Variants in GRID2 observed in about 807,000 individuals in gnomAD.
The protein encoded by GRID2 is glutamate receptor ionotropic, delta-2.
Under a neutral mutation model 114.8 loss-of-function variants are expected in GRID2, and 33 were observed. The ratio of observed to expected loss-of-function variants is 0.29; its 90% CI spans 0.22 to 0.38. GRID2 has a LOEUF of 0.38. Among genes scored for constraint, GRID2 ranks in the 10% least tolerant of loss-of-function variants. GRID2 has a pLI of 1.00. For synonymous variants in GRID2, 505 were observed against 449.9 expected (o/e 1.12, Z -1.55); for missense variants, 1,184 against 1,257.7 (o/e 0.94, Z 0.89).
chr4:92,353,709 C>T (rs981365479), intron 1 of GRID2, among the ~76,000 whole-genome samples: 6 of 151,918 alleles, frequency 3.9e-5, no homozygotes, highest in Non-Finnish European at 8.8e-5. Context: ...GTGTGTGGGG[C>T]CCCTCCTTCA....
At chr4:92,799,316 G>C (rs1321359326) in intron 2 of GRID2, among the ~76,000 whole-genome samples, 1 of 151,938 alleles carries the variant, frequency 6.6e-6, no homozygotes, top group African/African-American at 2.4e-5. Context: ...GATCTGATGG[G>C]AAGTGGAGCC....
intron 2 of GRID2, among the ~76,000 whole-genome samples, chr4:92,713,476 C>CATACATAT: frequency 1.9e-5 from 1 of 54,040 alleles, no homozygotes; most frequent in Non-Finnish European, 3.4e-5. Context: ...TATACATATA[C>CATACATAT]ATATATATAT....
At chr4:93,067,266 G>T (rs1480360893) in intron 2 of GRID2, among the ~76,000 whole-genome samples, 1 of 151,862 alleles carries the variant, frequency 6.6e-6, no homozygotes, top group Non-Finnish European at 1.5e-5. Context: ...TATCTCTTTT[G>T]CCAAGCACCC....
In GRID2 at chr4:92,947,279, G is replaced by T. The variant is rs76360836; in HGVS notation, c.245-137716G>T. Among the ~76,000 whole-genome samples the T allele has an allele frequency of 3.1e-3, 471 of 152,060 alleles. 4 individuals carry two copies. Among genetic ancestry groups the T allele is most frequent in the African/African-American group, 0.011 (450 of 41,532 alleles). On this transcript the variant is annotated intron_variant, in intron 2 of 15. Coordinates refer to ENST00000282020, the MANE Select transcript of GRID2 (RefSeq NM_001510.4). Reference sequence around the variant, plus strand: ...TCATCCTCTTTGTCAGCATGCGTGTGTATTGTCTACCTGTATGCCCAATAT... The same window carrying T: ...TCATCCTCTTTGTCAGCATGCGTGTTTATTGTCTACCTGTATGCCCAATAT...
chr4:92,930,828 T>A (rs1180247078), intron 2 of GRID2, among the ~76,000 whole-genome samples: 1 of 150,848 alleles, frequency 6.6e-6, no homozygotes, highest in Non-Finnish European at 1.5e-5. Flanking sequence ...CAAGAAAAAA[T>A]AAAATAATTG....
At chr4:93,178,311 C>G (rs929296114) in intron 4 of GRID2, among the ~76,000 whole-genome samples, 9 of 151,204 alleles carry the variant, frequency 6.0e-5, no homozygotes, top group African/African-American at 1.7e-4. Context: ...TTAACTAACA[C>G]TCTCTCACAC....
At chr4:93,727,484 G>A (rs1261908474) in intron 14 of GRID2, among the ~76,000 whole-genome samples, 1 of 152,186 alleles carries the variant, frequency 6.6e-6, no homozygotes, top group East Asian at 1.9e-4. Flanking sequence ...TTGGTATCAG[G>A]ATGATGCTGG....
chr4:92,409,248 A>C (rs1351677413), intron 1 of GRID2, among the ~76,000 whole-genome samples: 3 of 152,106 alleles, frequency 2.0e-5, no homozygotes, highest in African/African-American at 4.8e-5. Flanking sequence ...GAAGTGTGTC[A>C]TAACAACAGA....
At chr4:92,655,590 C>T (rs1732184705) in intron 2 of GRID2, among the ~76,000 whole-genome samples, 1 of 151,610 alleles carries the variant, frequency 6.6e-6, no homozygotes, top group Non-Finnish European at 1.5e-5. Context: ...AGATCTTTCA[C>T]TTCTTTGGTT....
At chr4:93,032,087 A>G (rs1724492285) in intron 2 of GRID2, among the ~76,000 whole-genome samples, 1 of 152,194 alleles carries the variant, frequency 6.6e-6, no homozygotes, top group African/African-American at 2.4e-5. Flanking sequence ...AGAACTTTCT[A>G]GAATACCTGG....
intron 2 of GRID2, among the ~76,000 whole-genome samples, chr4:92,598,540 T>A (rs1217456175): frequency 2.6e-5 from 4 of 152,128 alleles, no homozygotes; most frequent in African/African-American, 9.7e-5. Context: ...GGGAAAAACA[T>A]ATATATTAAG....
chr4:93,659,278 C>T (rs765055040), intron 14 of GRID2, among the ~76,000 whole-genome samples: 1 of 152,048 alleles, frequency 6.6e-6, no homozygotes, highest in Non-Finnish European at 1.5e-5. Context: ...AGGAAATTTA[C>T]AGAGGCTGGA....
Position 93,395,482 on chromosome 4 carries a change from C to T in GRID2, c.1246-125C>T, listed in dbSNP as rs190945982. On this transcript the variant is annotated intron_variant, in intron 8 of 15. Transcript: ENST00000282020. ...TTCATTTCCTATTTAAAAAGAAAAC[C>T]TGTGCAGTACTCTTTCCATACCAAT... The T allele has an allele frequency of 2.1e-5, 11 of 514,228 alleles. No individual in the cohort carries two copies. The Admixed American group carries it at 2.9e-4, about 14-fold the overall frequency. 31.9% of individuals were successfully genotyped at this position (514,228 alleles called of 1,614,324 possible). A position where few individuals can be genotyped will look rare whatever the true frequency, so the allele number is the denominator to read the frequency against.
rs1330006043 is a variant in GRID2, at chr4:92,457,189, T to C, written c.89-132942T>C. 2.6e-5 allele frequency among the ~76,000 whole-genome samples: 4 copies of C among 152,286 alleles called. No homozygotes were observed. The East Asian group carries it at 7.7e-4, about 29-fold the overall frequency. ...ATCCTCTATCACCTCAGTTTTTGACTGTTCTTTAAAACCAAGTTCAATTGG... is the reference window on the plus strand; with the variant it reads ...ATCCTCTATCACCTCAGTTTTTGACCGTTCTTTAAAACCAAGTTCAATTGG... On this transcript the variant is annotated intron_variant, in intron 1 of 15. Coordinates refer to ENST00000282020, the MANE Select transcript of GRID2 (RefSeq NM_001510.4).
chr4:93,193,814 C>T (rs183418476), intron 4 of GRID2, among the ~76,000 whole-genome samples: 6 of 152,204 alleles, frequency 3.9e-5, no homozygotes, highest in East Asian at 3.9e-4. Flanking sequence ...TTAAAATAGA[C>T]GAAGAAAGTC....
At chr4:92,590,062 G>A in intron 1 of GRID2, 69 bp from the exon 2 acceptor site, 2 of 1,050,154 alleles carry the variant, frequency 1.9e-6, no homozygotes, top group African/African-American at 1.6e-5. Context: ...AAGTCTCCTT[G>A]TCATATTTCC....
intron 2 of GRID2, among the ~76,000 whole-genome samples, chr4:92,789,551 T>C (rs952340986): frequency 6.6e-6 from 1 of 151,924 alleles, no homozygotes; most frequent in African/African-American, 2.4e-5. Flanking sequence ...CTCTTTCGGA[T>C]CTATTGTACT....
chr4:92,846,458 A>G (rs1005719049), intron 2 of GRID2, among the ~76,000 whole-genome samples: 7 of 152,220 alleles, frequency 4.6e-5, no homozygotes, highest in African/African-American at 1.7e-4. Context: ...TGCTAGGATA[A>G]TGGTCTCCCA....
chr4:93,293,588 C>T (rs1227083212), intron 8 of GRID2, among the ~76,000 whole-genome samples: 8 of 149,814 alleles, frequency 5.3e-5, no homozygotes, highest in Non-Finnish European at 1.2e-4. Flanking sequence ...TCATATATCC[C>T]GAAAGACACA....
Sources: allele counts gnomAD v4.1 joint callset (sites outside exome capture counted in the v4.1 genomes callset), GRCh38; gene constraint gnomAD v4.1.1; transcripts MANE v1.5; gene names NCBI Gene and HGNC (gene_info 2026-07-23, HGNC 2026-07-21).